The following CD160 variants were observed in gnomAD, a reference collection of about 807,000 sequenced individuals.
The protein encoded by CD160 is CD160 antigen.
A neutral mutation model predicts 19.2 loss-of-function variants in CD160; 11 were observed. The observed-to-expected ratio is 0.57, with a 90% CI of 0.36 to 0.95. The LOEUF is 0.95. CD160 is among the 40% of genes least tolerant of loss of function. The pLI, the probability that CD160 is intolerant of heterozygous loss-of-function variation, is 0.01. For synonymous variants in CD160, 75 were observed against 81.1 expected (o/e 0.93, Z 0.40); for missense variants, 182 against 213.2 (o/e 0.85, Z 0.91).
chr1:145,720,706 C>A (rs1042729855), intron 1 of CD160, among the ~76,000 whole-genome samples: 1 of 152,170 alleles, frequency 6.6e-6, no homozygotes, highest in Non-Finnish European at 1.5e-5. Context: ...CCTCTTGTCC[C>A]CACCCTCCCC....
intron 1 of CD160, among the ~76,000 whole-genome samples, chr1:145,722,328 G>A (rs1553707908): frequency 6.6e-6 from 1 of 152,120 alleles, no homozygotes; most frequent in African/African-American, 2.4e-5. Flanking sequence ...GTCATTAAGA[G>A]ATTAAGAAAC....
At chr1:145,723,247 C>T (rs961219518) in intron 1 of CD160, among the ~76,000 whole-genome samples, 2 of 152,086 alleles carry the variant, frequency 1.3e-5, no homozygotes, top group Admixed American at 6.6e-5. Context: ...TAACAATCGT[C>T]TCTACTTAGA....
intron 4 of CD160, among the ~76,000 whole-genome samples, chr1:145,733,353 G>A (rs1269366397): frequency 6.6e-6 from 1 of 152,040 alleles, no homozygotes; most frequent in Non-Finnish European, 1.5e-5. Flanking sequence ...CGGCCAGGCT[G>A]GTCTCAAACT....
intron 3 of CD160, among the ~76,000 whole-genome samples, 177 bp downstream of exon 3, chr1:145,728,577 C>T (rs1212602806): frequency 1.3e-5 from 2 of 149,326 alleles, no homozygotes; most frequent in Non-Finnish European, 3.0e-5. Context: ...GATCTCGGCT[C>T]ACTGCAACCT....
At chr1:145,735,463 G>A (rs940548266) in intron 4 of CD160, among the ~76,000 whole-genome samples, 2 of 152,154 alleles carry the variant, frequency 1.3e-5, no homozygotes, top group African/African-American at 2.4e-5. Flanking sequence ...GCACATGCCT[G>A]TAGTCCCAGC....
rs2101420910 is a variant in CD160, at chr1:145,738,536, G to A, written c.*43G>A. The A allele has an allele frequency of 7.8e-7, 1 of 1,277,862 alleles. No homozygotes were observed. The highest frequency in any genetic ancestry group is 1.0e-6 in the Non-Finnish European group (1 of 987,472). 79.2% of individuals were successfully genotyped at this position (1,277,862 alleles called of 1,614,324 possible). On this transcript the variant is annotated 3_prime_UTR_variant, in exon 6 of 6. Transcript: ENST00000369288. ...ACTTTTAAAACAGCTACAGCAAGAT[G>A]AGTCTGACTATGGCTTAGTATCTTT...
At chr1:145,723,862 G>A (rs1656952849) in intron 1 of CD160, among the ~76,000 whole-genome samples, 2 of 152,034 alleles carry the variant, frequency 1.3e-5, no homozygotes, top group South Asian at 4.2e-4. Context: ...ACAGGTGTGA[G>A]CCACCACACC....
chr1:145,732,986 G>A (rs587685858), intron 4 of CD160, among the ~76,000 whole-genome samples: 3 of 152,114 alleles, frequency 2.0e-5, no homozygotes, highest in Non-Finnish European at 4.4e-5. Flanking sequence ...ATATTATTTA[G>A]GAATATAATA....
chr1:145,736,446 G>A (rs1414706277), intron 5 of CD160: 6 of 477,100 alleles, frequency 1.3e-5, no homozygotes, highest in African/African-American at 6.0e-5. Context: ...ACAAGTTGAA[G>A]CAACAGATTT....
rs376183702 is a variant in CD160, at chr1:145,730,813, A to G, written c.143A>G (p.His48Arg). 6.2e-6 allele frequency: 10 copies of G among 1,614,090 alleles called. No individual in the cohort carries two copies. Among genetic ancestry groups the G allele is most frequent in the Non-Finnish European group, 8.5e-6 (10 of 1,180,040 alleles). Residue 48 changes from histidine to arginine, a missense_variant, in exon 4 of 6, where the codon CAT (histidine) becomes CGT (arginine). Physicochemically the swap from His to Arg is conservative, Grantham distance 29. Coordinates refer to ENST00000369288, the MANE Select transcript of CD160 (RefSeq NM_007053.4). The stretch of plus-strand genomic sequence containing the variant: ...CTAAACTTAATCTGTACTGTATGGC[A>G]TAAGAAAGAAGAGGCTGAGGGGTTT... ...TRLNLICTVW[H>R]KKEEAEGFVV...
At chr1:145,729,901 T>G (rs1250655834) in intron 3 of CD160, among the ~76,000 whole-genome samples, 25 of 152,332 alleles carry the variant, frequency 1.6e-4, no homozygotes, top group Admixed American at 1.4e-3. Flanking sequence ...TCAAGTCAGC[T>G]CCAGCACTAA....
chr1:145,723,727 G>T (rs990766402), intron 1 of CD160, among the ~76,000 whole-genome samples: 6 of 152,048 alleles, frequency 3.9e-5, no homozygotes, highest in Non-Finnish European at 7.4e-5. Context: ...GGGATCACAG[G>T]CACCTGCTAC....
In CD160 at chr1:145,733,466, A is replaced by T. The variant is rs1553709684; in HGVS notation, c.400+2396A>T. On this transcript the variant is annotated intron_variant, in intron 4 of 5. Transcript: ENST00000369288. ...ATCTTACTTTTTAAGAAAAACAAGT[A>T]TAAATTACCCACTCACCACCCTCCC... Among the ~76,000 whole-genome samples the T allele has an allele frequency of 2.0e-5, 3 of 152,166 alleles. No individual in the cohort carries two copies. In the South Asian group the frequency reaches 6.2e-4, roughly 32 times the overall value.
intron 2 of CD160, among the ~76,000 whole-genome samples, chr1:145,725,318 G>A (rs587706265): frequency 2.0e-5 from 3 of 151,202 alleles, no homozygotes; most frequent in East Asian, 2.0e-4. Flanking sequence ...CTCGGCAGGC[G>A]CCTGTAATCC....
intron 1 of CD160, among the ~76,000 whole-genome samples, chr1:145,722,948 C>G (rs55639128): frequency 2.0e-5 from 3 of 152,182 alleles, no homozygotes; most frequent in African/African-American, 7.2e-5. Flanking sequence ...GCTCTAGAGT[C>G]TACGCTTTTT....
At chr1:145,719,779 C>G (rs1434674487) in intron 1 of CD160, among the ~76,000 whole-genome samples, 2 of 152,208 alleles carry the variant, frequency 1.3e-5, no homozygotes, top group Non-Finnish European at 2.9e-5. Flanking sequence ...TGGCCCCATT[C>G]TGACATTCCT....
chr1:145,732,691 C>T (rs1657342592), intron 4 of CD160, among the ~76,000 whole-genome samples: 1 of 152,078 alleles, frequency 6.6e-6, no homozygotes, highest in Admixed American at 6.6e-5. Flanking sequence ...ATATGGAAAA[C>T]TCTGCCAGTA....
Position 145,738,565 on chromosome 1 carries a change from A to C in CD160, c.*72A>C. Reference sequence around the variant, plus strand: ...CTGACTATGGCTTAGTATCTTTCTCATTACAATAGGCACAGAGAAGAATGC... The same window carrying C: ...CTGACTATGGCTTAGTATCTTTCTCCTTACAATAGGCACAGAGAAGAATGC... On this transcript the variant is annotated 3_prime_UTR_variant, in exon 6 of 6. Transcript: ENST00000369288. 4.3e-5 allele frequency: 42 copies of C among 970,416 alleles called. No individual in the cohort carries two copies. Among genetic ancestry groups the C allele is most frequent in the Non-Finnish European group, 5.9e-5 (42 of 709,276 alleles). 60.1% of individuals were successfully genotyped at this position (970,416 alleles called of 1,614,324 possible).
At position 145,725,469 on chromosome 1, in the gene CD160, A is replaced by G. The variant is rs587639685; in HGVS notation, c.-73+563A>G. ...CAAAAGAAAATAACAACATACTATG[A>G]CCAAATGGCTTCAGTTTTTGTTTGT... On this transcript the variant is annotated intron_variant, in intron 2 of 5. Coordinates refer to ENST00000369288, the MANE Select transcript of CD160 (RefSeq NM_007053.4). 3.9e-5 allele frequency among the ~76,000 whole-genome samples: 6 copies of G among 152,232 alleles called. No individual in the cohort carries two copies. The East Asian group carries it at 1.2e-3, about 29-fold the overall frequency.
Sources: allele counts gnomAD v4.1 joint callset (sites outside exome capture counted in the v4.1 genomes callset), GRCh38; gene constraint gnomAD v4.1.1; transcripts MANE v1.5; gene names NCBI Gene and HGNC (gene_info 2026-07-23, HGNC 2026-07-21).